Variants in CDS1 observed in about 807,000 individuals in gnomAD.
CDS1 encodes phosphatidate cytidylyltransferase 1.
Under a neutral mutation model 62.1 loss-of-function variants are expected in CDS1, and 41 were observed. The observed-to-expected ratio is 0.66, with a 90% CI of 0.51 to 0.86. CDS1 has a LOEUF of 0.86. Ranked by LOEUF, CDS1 falls within the 40% of genes least tolerant of loss-of-function variation. The pLI is 0.00. For missense variants in CDS1, 470 were observed against 550.1 expected (o/e 0.85, Z 1.46); for synonymous variants, 185 against 192.6 (o/e 0.96, Z 0.32).
chr4:84,618,383 T>C (rs1003894155), intron 4 of CDS1, among the ~76,000 whole-genome samples: 1 of 152,138 alleles, frequency 6.6e-6, no homozygotes, highest in Non-Finnish European at 1.5e-5. Context: ...AAATGTTAGA[T>C]AGATAAAGTA....
In CDS1 at chr4:84,604,591, T is replaced by G. The variant is rs1165591226; in HGVS notation, c.245+221T>G. Among the ~76,000 whole-genome samples the G allele has an allele frequency of 3.3e-5, 5 of 152,192 alleles. No homozygotes were observed. The East Asian group carries it at 9.6e-4, about 29-fold the overall frequency. Reference sequence around the variant, plus strand: ...AAACCAAGGCTGAGAGGTTAATTGTTGAAGGCTACAGAGCTAGTAAGATAT... The same window carrying G: ...AAACCAAGGCTGAGAGGTTAATTGTGGAAGGCTACAGAGCTAGTAAGATAT... On this transcript the variant is annotated intron_variant, in intron 2 of 12. Coordinates refer to ENST00000295887, the MANE Select transcript of CDS1 (RefSeq NM_001263.4).
intron 1 of CDS1, among the ~76,000 whole-genome samples, chr4:84,596,784 CT>C (rs1351479397): frequency 6.6e-6 from 1 of 152,194 alleles, no homozygotes; most frequent in African/African-American, 2.4e-5. Flanking sequence ...GAAATTACAT[CT>C]AGGCTGATAC....
chr4:84,632,471 A>G (rs1340792279), intron 6 of CDS1, among the ~76,000 whole-genome samples: 1 of 152,190 alleles, frequency 6.6e-6, no homozygotes, highest in Non-Finnish European at 1.5e-5. Context: ...TTCATGTGAT[A>G]GTGAGGCTTA....
intron 3 of CDS1, among the ~76,000 whole-genome samples, chr4:84,615,300 G>A (rs778795538): frequency 6.6e-6 from 1 of 151,782 alleles, no homozygotes; most frequent in Non-Finnish European, 1.5e-5. Flanking sequence ...TAGTGAAGTG[G>A]CATCTTGCCT....
chr4:84,632,657 ATAG>A (rs1433693452), intron 6 of CDS1, among the ~76,000 whole-genome samples: 3 of 152,354 alleles, frequency 2.0e-5, no homozygotes, highest in Non-Finnish European at 2.9e-5. Flanking sequence ...ACAAGTAAAA[ATAG>A]TAGAATATCC....
chr4:84,635,833 TGCAGCTTCCACCTCCCAG>T (rs376546256), intron 8 of CDS1, among the ~76,000 whole-genome samples: 69 of 151,072 alleles, frequency 4.6e-4, no homozygotes, highest in African/African-American at 1.5e-3. Flanking sequence ...CATGGCTCAC[TGCAGCTTCCACCTCCCAG>T]GCTCTAGCAA....
chr4:84,634,624 A>G (rs1453532018), intron 7 of CDS1, among the ~76,000 whole-genome samples: 2 of 151,736 alleles, frequency 1.3e-5, no homozygotes, highest in Non-Finnish European at 1.5e-5. Flanking sequence ...TGACAGCTTT[A>G]TGTCTTTTTA....
intron 1 of CDS1, among the ~76,000 whole-genome samples, chr4:84,589,075 T>C (rs577478661): frequency 4.0e-4 from 61 of 152,310 alleles, no homozygotes; most frequent in Non-Finnish European, 7.4e-4. Context: ...TTCACTGTTA[T>C]GATTTTCTCA....
At chr4:84,625,392 A>G (rs1723824354) in intron 5 of CDS1, among the ~76,000 whole-genome samples, 1 of 152,156 alleles carries the variant, frequency 6.6e-6, no homozygotes, top group Admixed American at 6.5e-5. Context: ...GTAAGATGTG[A>G]GTCTTCTAGT....
intron 1 of CDS1, among the ~76,000 whole-genome samples, chr4:84,586,350 C>T (rs1447020410): frequency 6.6e-6 from 1 of 152,080 alleles, no homozygotes; most frequent in African/African-American, 2.4e-5. Context: ...ATATAAAATC[C>T]ATGGGAGCCC....
rs552223123 is a variant in CDS1 at position 84,635,358 on chromosome 4, GA to G, written c.810+12del. 1,231 of 1,370,500 alleles carry G rather than the reference GA, an allele frequency of 9.0e-4. 4 individuals are homozygous for G. Among genetic ancestry groups the G allele is most frequent in the Middle Eastern group, 4.9e-3 (27 of 5,556 alleles). 84.9% of individuals were successfully genotyped at this position (1,370,500 alleles called of 1,614,324 possible). ...GAGAACTCCATTAATTAAGGTAATG[GA>G]AAAATTTTATAAGCAAGCCACTATG... On this transcript the variant is annotated splice_region_variant and intron_variant, in intron 8 of 12. Transcript: ENST00000295887.
intron 3 of CDS1, among the ~76,000 whole-genome samples, chr4:84,612,415 C>CT (rs1723352961): frequency 6.6e-6 from 1 of 152,038 alleles, no homozygotes. Flanking sequence ...GTGGGTTCCC[C>CT]TGTGATTTAC....
Position 84,619,465 on chromosome 4 carries a change from A to T in CDS1, c.512A>T (p.Gln171Leu). ...TVADYFATFVQREEQLQFLIR... is the reference protein window; with the variant it reads ...TVADYFATFVLREEQLQFLIR... ...GCTGATTATTTTGCTACATTTGTTC[A>T]AAGAGAAGAACAACTTCAGTTCCTC... is the stretch of plus-strand genomic sequence containing the variant. Residue 171 changes from glutamine to leucine, a missense_variant, in exon 5 of 13, where the codon CAA becomes CTA. Gln to Leu is a moderately radical substitution (Grantham distance 113, BLOSUM62 -2). This residue lies in a region of CDS1 where 214 missense variants were observed against 242.4 expected (regional missense o/e 0.88). Transcript: ENST00000295887. 6.3e-7 allele frequency: 1 copy of T among 1,599,780 alleles called. No homozygotes were observed. The highest frequency in any genetic ancestry group is 8.6e-7 in the Non-Finnish European group (1 of 1,168,554).
chr4:84,617,038 A>G (rs1341804280), intron 3 of CDS1, among the ~76,000 whole-genome samples: 1 of 152,204 alleles, frequency 6.6e-6, no homozygotes, highest in Non-Finnish European at 1.5e-5. Context: ...TGGGAGGATG[A>G]AAAGGCCATT....
intron 6 of CDS1, among the ~76,000 whole-genome samples, chr4:84,632,636 A>G (rs972991198): frequency 6.6e-6 from 1 of 152,230 alleles, no homozygotes; most frequent in Non-Finnish European, 1.5e-5. Flanking sequence ...TGAATTTTAT[A>G]TAGAAACAAG....
At chr4:84,601,197 A>T (rs532764151) in intron 1 of CDS1, among the ~76,000 whole-genome samples, 22 of 151,362 alleles carry the variant, frequency 1.5e-4, no homozygotes, top group African/African-American at 4.9e-4. Flanking sequence ...AGAGCAAAAG[A>T]AAAAGACATG....
At position 84,619,503 on chromosome 4, in the gene CDS1, A is replaced by T; in HGVS notation, c.550A>T (p.Arg184Ter). 1 of 1,600,986 alleles carries T rather than the reference A, an allele frequency of 6.2e-7. No individual in the cohort carries two copies. Among genetic ancestry groups the T allele is most frequent in the Non-Finnish European group, 8.5e-7 (1 of 1,171,810 alleles). Residue 184 changes from arginine (R) to a stop codon, truncating the protein, a stop_gained, in exon 5 of 13, where the codon AGA (arginine) becomes TGA (stop). Transcript: ENST00000295887. LOFTEE classifies it high-confidence loss of function. ...EQLQFLIRYHRFISFALYLAG... is the reference protein window; with the variant it reads ...EQLQFLIRYH The stretch of plus-strand genomic sequence containing the variant: ...ACTTCAGTTCCTCATTCGCTACCAT[A>T]GATTTATATCATTTGCCCTCTATCT...
At chr4:84,590,197 A>G (rs1465906167) in intron 1 of CDS1, among the ~76,000 whole-genome samples, 1 of 152,214 alleles carries the variant, frequency 6.6e-6, no homozygotes, top group Non-Finnish European at 1.5e-5. Flanking sequence ...TAAGCCAGAT[A>G]AGGATTTTGA....
intron 12 of CDS1, among the ~76,000 whole-genome samples, chr4:84,646,538 ATCT>A (rs1724563274): frequency 6.6e-6 from 1 of 152,116 alleles, no homozygotes; most frequent in African/African-American, 2.4e-5. Context: ...CCAGTATTAT[ATCT>A]TCTTTAACAC....
Sources: allele counts gnomAD v4.1 joint callset (sites outside exome capture counted in the v4.1 genomes callset), GRCh38; gene constraint gnomAD v4.1.1; regional missense constraint gnomAD v4.1.1; transcripts MANE v1.5; gene names NCBI Gene and HGNC (gene_info 2026-07-23, HGNC 2026-07-21).